Variants in FRMD6 observed in about 807,000 individuals in gnomAD.
FRMD6 encodes FERM domain containing 6.
In FRMD6, 37 loss-of-function variants were observed where a neutral mutation model predicts 73.2. That is an observed-to-expected ratio of 0.51 (90% CI 0.39 to 0.66). The LOEUF (loss-of-function observed/expected upper bound fraction) is 0.66, where lower values mean the gene tolerates loss of function less well. FRMD6 is among the 30% of genes least tolerant of loss of function. The pLI, the probability that FRMD6 is intolerant of heterozygous loss-of-function variation, is 0.00. For missense variants in FRMD6, 714 were observed against 780.5 expected (o/e 0.91, Z 1.02); for synonymous variants, 273 against 282.2 (o/e 0.97, Z 0.33).
At chr14:51,665,905 G>T (rs1045689682) in intron 1 of FRMD6, among the ~76,000 whole-genome samples, 3 of 152,150 alleles carry the variant, frequency 2.0e-5, no homozygotes, top group Non-Finnish European at 4.4e-5. Flanking sequence ...TTCACCTTCT[G>T]CCATGATTGT....
chr14:51,446,471 C>CACACACACACACACAT, the FRMD6 span, among the ~76,000 whole-genome samples: 4 of 151,898 alleles, frequency 2.6e-5, no homozygotes, highest in East Asian at 7.7e-4. Flanking sequence ...CACACACACA[C>CACACACACACACACAT]GGAAGTTGAG....
the FRMD6 span, among the ~76,000 whole-genome samples, chr14:51,413,844 C>T: frequency 6.6e-6 from 1 of 152,124 alleles, no homozygotes; most frequent in South Asian, 2.1e-4. Context: ...TTTTAATGAT[C>T]GCCATTCTAA....
the FRMD6 span, among the ~76,000 whole-genome samples, chr14:51,473,824 C>CT: frequency 0.01 from 1,510 of 144,434 alleles, 20 homozygotes; most frequent in African/African-American, 0.033. Context: ...GCTTTCTTTA[C>CT]TTTTTTTTTT....
the FRMD6 span, among the ~76,000 whole-genome samples, chr14:51,429,558 T>A: frequency 4.6e-5 from 7 of 152,314 alleles, no homozygotes; most frequent in African/African-American, 1.7e-4. Context: ...AAACTACTTT[T>A]ATGTGGCTAA....
chr14:51,561,181 C>T (rs184339449), intron 1 of FRMD6, among the ~76,000 whole-genome samples: 122 of 152,256 alleles, frequency 8.0e-4, no homozygotes, highest in African/African-American at 2.7e-3. Context: ...ACACCAGCTG[C>T]CTTTCAAGGA....
the FRMD6 span, among the ~76,000 whole-genome samples, chr14:51,451,376 A>C: frequency 6.6e-6 from 1 of 152,170 alleles, no homozygotes; most frequent in African/African-American, 2.4e-5. Context: ...CACTCTATGC[A>C]TATGTATATA....
chr14:51,614,132 A>C (rs1207720987), intron 2 of FRMD6, among the ~76,000 whole-genome samples: 2 of 152,134 alleles, frequency 1.3e-5, no homozygotes, highest in African/African-American at 4.8e-5. Context: ...ATGTTCAAGA[A>C]TTCTGGGGAT....
intron 1 of FRMD6, among the ~76,000 whole-genome samples, chr14:51,548,334 A>G (rs996948066): frequency 7.4e-4 from 113 of 152,330 alleles, no homozygotes; most frequent in Middle Eastern, 3.4e-3. Flanking sequence ...GGACCTTTAA[A>G]ATGAAAGTTT....
At chr14:51,404,760 A>G in the FRMD6 span, among the ~76,000 whole-genome samples, 11 of 152,068 alleles carry the variant, frequency 7.2e-5, no homozygotes, top group Non-Finnish European at 1.5e-4. Flanking sequence ...TTGATATACT[A>G]TATTAATAAT....
the FRMD6 span, among the ~76,000 whole-genome samples, chr14:51,397,773 CA>C: frequency 1.3e-5 from 2 of 152,080 alleles, no homozygotes. Flanking sequence ...AAAACACAGT[CA>C]AAAGTTTGTT....
intron 2 of FRMD6, among the ~76,000 whole-genome samples, chr14:51,638,190 G>C (rs1278383355): frequency 6.6e-6 from 1 of 152,080 alleles, no homozygotes; most frequent in Non-Finnish European, 1.5e-5. Context: ...AGGCTGAGGT[G>C]GGGGGATCAC....
intron 7 of FRMD6, among the ~76,000 whole-genome samples, chr14:51,710,953 A>G (rs1319038324): frequency 2.0e-5 from 3 of 152,168 alleles, no homozygotes; most frequent in Non-Finnish European, 4.4e-5. Context: ...CTTCTTAAAA[A>G]TAAGTATTTC....
chr14:51,405,172 G>C, the FRMD6 span, among the ~76,000 whole-genome samples: 4 of 152,142 alleles, frequency 2.6e-5, no homozygotes, highest in South Asian at 8.3e-4. Flanking sequence ...TATTCAATCT[G>C]TCATTGATGG....
the FRMD6 span, among the ~76,000 whole-genome samples, chr14:51,442,967 C>G: frequency 6.6e-6 from 1 of 152,182 alleles, no homozygotes; most frequent in Non-Finnish European, 1.5e-5. Context: ...TGCCTGCATG[C>G]TTTCTGAGCT....
At chr14:51,558,070 A>T (rs1363533634) in intron 1 of FRMD6, among the ~76,000 whole-genome samples, 1 of 152,250 alleles carries the variant, frequency 6.6e-6, no homozygotes, top group African/African-American at 2.4e-5. Context: ...ATTTGTTTAC[A>T]ATTGTATAGT....
the FRMD6 span, among the ~76,000 whole-genome samples, chr14:51,466,170 C>T: frequency 1.3e-5 from 2 of 152,106 alleles, no homozygotes; most frequent in African/African-American, 4.8e-5. Flanking sequence ...TTTATATATT[C>T]TGGATACAAG....
intron 2 of FRMD6, among the ~76,000 whole-genome samples, chr14:51,641,346 A>G (rs1189967276): frequency 6.6e-6 from 1 of 152,122 alleles, no homozygotes; most frequent in Non-Finnish European, 1.5e-5. Context: ...TTAAGTGAAA[A>G]GCTTAGGTTT....
At chr14:51,419,169 C>A in the FRMD6 span, among the ~76,000 whole-genome samples, 1 of 152,194 alleles carries the variant, frequency 6.6e-6, no homozygotes, top group East Asian at 1.9e-4. Flanking sequence ...CTTCAGATCA[C>A]CCTCTGTGGG....
chr14:51,455,516 A>G, the FRMD6 span, among the ~76,000 whole-genome samples: 16,315 of 152,138 alleles, frequency 0.11, 894 homozygotes, highest in South Asian at 0.14. Flanking sequence ...TATTTCCTCA[A>G]ATATATAGTT....
Sources: allele counts gnomAD v4.1 joint callset (sites outside exome capture counted in the v4.1 genomes callset), GRCh38; gene constraint gnomAD v4.1.1; transcripts MANE v1.5; gene names NCBI Gene and HGNC (gene_info 2026-07-23, HGNC 2026-07-21).